The following ATP8B1 variants were observed in gnomAD, a reference collection of about 807,000 sequenced individuals.
ATP8B1 encodes the protein phospholipid-transporting ATPase IC.
ATP8B1 carries 80 observed loss-of-function variants against 149.9 expected under a neutral mutation model. The ratio of observed to expected loss-of-function variants is 0.53; its 90% confidence interval spans 0.45 to 0.64. The LOEUF (loss-of-function observed/expected upper bound fraction) is 0.64. Among genes scored for constraint, ATP8B1 ranks in the 30% least tolerant of loss-of-function variants. The pLI is 0.00. For missense variants in ATP8B1, 1,247 were observed against 1,552.6 expected, an observed-to-expected ratio of 0.80 and a Z score of 3.31; for synonymous variants, 536 against 562.8, an observed-to-expected ratio of 0.95 and a Z score of 0.67.
chr18:57,663,761 ATTTTTTTTTTTTTT>A (rs10598900), intron 20 of ATP8B1, among the ~76,000 whole-genome samples: 4 of 97,462 alleles, frequency 4.1e-5, no homozygotes, highest in Admixed American at 1.3e-4. Flanking sequence ...TGCTTTGCCC[ATTTTTTTTTTTTTT>A]TTTTTTTTTT....
chr18:57,677,289 G>A (rs147565837), intron 15 of ATP8B1, among the ~76,000 whole-genome samples: 1 of 152,250 alleles, frequency 6.6e-6, no homozygotes, highest in Admixed American at 6.5e-5. Flanking sequence ...CTTATGATAC[G>A]TACATATCTC....
intron 3 of ATP8B1, 53 bp from the exon 4 acceptor site, chr18:57,704,721 A>G (rs1167586818): frequency 1.1e-5 from 13 of 1,139,212 alleles, no homozygotes; most frequent in Non-Finnish European, 1.5e-5. Flanking sequence ...ATCACAATGT[A>G]TACACATCTG....
intron 1 of ATP8B1, among the ~76,000 whole-genome samples, chr18:57,780,393 G>A (rs2080346523): frequency 6.6e-6 from 1 of 152,196 alleles, no homozygotes; most frequent in African/African-American, 2.4e-5. Context: ...AAGTCATTAT[G>A]CACAGCTGTG....
chr18:57,654,535 T>G (rs999100093), intron 23 of ATP8B1, among the ~76,000 whole-genome samples: 1 of 150,808 alleles, frequency 6.6e-6, no homozygotes, highest in Admixed American at 6.6e-5. Flanking sequence ...GCCAGGTTGG[T>G]CTCCAACTCT....
chr18:57,657,516 C>T (rs1407788971), intron 22 of ATP8B1, among the ~76,000 whole-genome samples: 1 of 152,166 alleles, frequency 6.6e-6, no homozygotes, highest in African/African-American at 2.4e-5. Flanking sequence ...GCCCTAGTTA[C>T]AGAACACAAG....
intron 2 of ATP8B1, among the ~76,000 whole-genome samples, chr18:57,709,515 G>A (rs1913584570): frequency 6.6e-6 from 1 of 152,074 alleles, no homozygotes; most frequent in East Asian, 1.9e-4. Flanking sequence ...CCTTTAGGAA[G>A]GGCAGCAAAA....
intron 1 of ATP8B1, among the ~76,000 whole-genome samples, chr18:57,801,112 G>GGT (rs1412070622): frequency 6.6e-6 from 1 of 152,190 alleles, no homozygotes; most frequent in Non-Finnish European, 1.5e-5. Flanking sequence ...TGTGCACACA[G>GGT]GTGTGTGTGT....
At chr18:57,649,044 C>T (rs1445372661) in intron 27 of ATP8B1, among the ~76,000 whole-genome samples, 3 of 152,054 alleles carry the variant, frequency 2.0e-5, no homozygotes, top group African/African-American at 7.2e-5. Context: ...GTTACAGGCA[C>T]GCACTGCCAC....
At chr18:57,670,355 C>CTTTTTTTTTTTTTTTTTTTTTT (rs370444079) in intron 17 of ATP8B1, among the ~76,000 whole-genome samples, 2 of 139,696 alleles carry the variant, frequency 1.4e-5, no homozygotes, top group African/African-American at 2.6e-5. Flanking sequence ...TTTTCTTTTT[C>CTTTTTTTTTTTTTTTTTTTTTT]TTTTTTTTTT....
chr18:57,653,542 T>G (rs1459235216), intron 24 of ATP8B1, among the ~76,000 whole-genome samples: 2 of 152,092 alleles, frequency 1.3e-5, no homozygotes, highest in Admixed American at 1.3e-4. Flanking sequence ...TGCCTCAGCC[T>G]CCTAAAGTGC....
At chr18:57,676,325 C>G (rs1168766308) in intron 15 of ATP8B1, among the ~76,000 whole-genome samples, 1 of 151,196 alleles carries the variant, frequency 6.6e-6, no homozygotes, top group East Asian at 2.0e-4. Flanking sequence ...CCACGCCCAG[C>G]TAATGTTTGT....
Position 57,652,646 on chromosome 18 carries a change from G to C in ATP8B1, c.3099C>G (p.Phe1033Leu). Residue 1033 changes from phenylalanine to leucine, a missense_variant, in exon 25 of 28, where the codon TTC (phenylalanine) becomes TTG (leucine). Transcript: ENST00000648908. ...GGACCCCATGCAACAAGCTTACAAAGAATCTCTTATAGTTGAATAGTAAGT... is the reference window on the plus strand; with the variant it reads ...GGACCCCATGCAACAAGCTTACAAACAATCTCTTATAGTTGAATAGTAAGT... ...QRDLLFNYKR[F>L]FVSLLHGVLT... 6.2e-7 allele frequency: 1 copy of C among 1,614,186 alleles called. No homozygotes were observed.
chr18:57,668,225 A>G, intron 19 of ATP8B1: 1 of 1,434,300 alleles, frequency 7.0e-7, no homozygotes. Context: ...TATAAGGAAG[A>G]AACTGCTACT....
chr18:57,727,626 TAAAAATAC>T (rs549067415), intron 2 of ATP8B1, among the ~76,000 whole-genome samples: 219 of 152,036 alleles, frequency 1.4e-3, no homozygotes, highest in African/African-American at 5.2e-3. Flanking sequence ...CTGTCTCTAC[TAAAAATAC>T]AAAAATTAGC....
At chr18:57,707,575 C>A (rs900613821) in intron 2 of ATP8B1, among the ~76,000 whole-genome samples, 2 of 148,950 alleles carry the variant, frequency 1.3e-5, no homozygotes, top group African/African-American at 5.0e-5. Context: ...ATTGTGTGAT[C>A]TCGGCTCACT....
intron 24 of ATP8B1, 33 bp downstream of exon 24, chr18:57,653,959 C>G (rs1909813986): frequency 6.4e-7 from 1 of 1,570,250 alleles, no homozygotes; most frequent in South Asian, 1.1e-5. Flanking sequence ...TCTCATCTGT[C>G]CAGAAGTGTC....
intron 2 of ATP8B1, among the ~76,000 whole-genome samples, chr18:57,723,775 A>G (rs2079675026): frequency 6.8e-6 from 1 of 146,978 alleles, no homozygotes; most frequent in African/African-American, 2.6e-5. Flanking sequence ...GAACCAAAAA[A>G]GAGCCCGGAT....
chr18:57,771,476 C>T (rs139915980), intron 1 of ATP8B1, among the ~76,000 whole-genome samples: 1 of 152,272 alleles, frequency 6.6e-6, no homozygotes, highest in East Asian at 1.9e-4. Context: ...TTTATAATTA[C>T]GAAATGGTCT....
chr18:57,723,216 C>G (rs2079666703), intron 2 of ATP8B1, among the ~76,000 whole-genome samples: 1 of 143,606 alleles, frequency 7.0e-6, no homozygotes, highest in African/African-American at 2.8e-5. Context: ...TCTCACCACT[C>G]CTATTCAACA....
Sources: allele counts gnomAD v4.1 joint callset (sites outside exome capture counted in the v4.1 genomes callset), GRCh38; gene constraint gnomAD v4.1.1; transcripts MANE v1.5; gene names NCBI Gene and HGNC (gene_info 2026-07-23, HGNC 2026-07-21).